The following ZNF366 variants were observed in gnomAD, a reference collection of about 807,000 sequenced individuals.
The protein encoded by ZNF366 is zinc finger protein 366.
ZNF366 carries 20 observed loss-of-function variants against 47.2 expected under a neutral mutation model. The observed-to-expected ratio is 0.42, with a 90% CI of 0.30 to 0.62. The LOEUF (loss-of-function observed/expected upper bound fraction) is 0.62. Among genes scored for constraint, ZNF366 ranks in the 20% least tolerant of loss-of-function variants. The pLI is 0.16. For synonymous variants in ZNF366, 421 were observed against 395.1 expected, an observed-to-expected ratio of 1.07 and a Z score of -0.78; for missense variants, 987 against 976.3, an observed-to-expected ratio of 1.01 and a Z score of -0.15.
chr5:72,464,500 A>G (rs1315271111), intron 1 of ZNF366, among the ~76,000 whole-genome samples: 2 of 152,092 alleles, frequency 1.3e-5, no homozygotes, highest in Non-Finnish European at 2.9e-5. Flanking sequence ...TATTTTCAGC[A>G]TTTGAATTTT....
intron 1 of ZNF366, among the ~76,000 whole-genome samples, chr5:72,496,563 G>A (rs1744116814): frequency 6.6e-6 from 1 of 152,168 alleles, no homozygotes; most frequent in South Asian, 2.1e-4. Flanking sequence ...ATTGTTTCCA[G>A]TTGGGGGCAT....
chr5:72,449,168 G>A (rs1292834776), intron 3 of ZNF366, among the ~76,000 whole-genome samples: 1 of 151,964 alleles, frequency 6.6e-6, no homozygotes, highest in Admixed American at 6.5e-5. Context: ...CTGTGGCTCA[G>A]CATGCACATG....
chr5:72,488,235 T>C (rs1743933651), intron 1 of ZNF366, among the ~76,000 whole-genome samples: 1 of 151,574 alleles, frequency 6.6e-6, no homozygotes, highest in African/African-American at 2.4e-5. Flanking sequence ...AAAACTTACA[T>C]AGCAGGGTGT....
rs545493731 is a variant in ZNF366, at chr5:72,475,834, C to T, written c.-14-14324G>A. ...TTGGGCTGATCTGCCCAATCAGAGGCTCTCATTGTCCATCAGCCCGTAAAA... is the reference window on the plus strand; with the variant it reads ...TTGGGCTGATCTGCCCAATCAGAGGTTCTCATTGTCCATCAGCCCGTAAAA... On this transcript the variant is annotated intron_variant, in intron 1 of 4. Transcript: ENST00000318442. 2.6e-5 allele frequency among the ~76,000 whole-genome samples: 4 copies of T among 152,264 alleles called. No individual in the cohort carries two copies. In the East Asian group the frequency reaches 7.7e-4, roughly 29 times the overall value.
intron 1 of ZNF366, among the ~76,000 whole-genome samples, chr5:72,463,170 C>T (rs1367295417): frequency 1.3e-5 from 2 of 152,188 alleles, no homozygotes; most frequent in Non-Finnish European, 2.9e-5. Context: ...TTCTATGGTC[C>T]TTGGCGAGTC....
intron 1 of ZNF366, among the ~76,000 whole-genome samples, chr5:72,499,839 A>C (rs1744178794): frequency 6.6e-6 from 1 of 152,168 alleles, no homozygotes; most frequent in South Asian, 2.1e-4. Flanking sequence ...AGAGGGCCTC[A>C]GTCACGGGAG....
At chr5:72,466,949 A>G (rs902045795) in intron 1 of ZNF366, among the ~76,000 whole-genome samples, 3 of 152,240 alleles carry the variant, frequency 2.0e-5, no homozygotes, top group Non-Finnish European at 4.4e-5. Flanking sequence ...CAAGTTCTGC[A>G]ACCCAGCCAG....
chr5:72,452,176 C>T (rs1332443146), intron 3 of ZNF366, among the ~76,000 whole-genome samples: 1 of 152,208 alleles, frequency 6.6e-6, no homozygotes, highest in African/African-American at 2.4e-5. Flanking sequence ...AGGAGAATGG[C>T]CTCCGTGAAA....
At position 72,460,638 on chromosome 5, in the gene ZNF366, C is replaced by A. The variant is rs1476531153; in HGVS notation, c.859G>T (p.Gly287Trp). ...GIKPHACTHC[G>W]KLFKQLSHLH... is the part of the protein sequence containing the mutation. ...TGGCTGAGCTGCTTGAAGAGCTTCC[C>A]GCAGTGCGTGCACGCGTGCGGCTTG... The change falls in exon 2 of 5, where the codon GGG becomes TGG. Residue 287 changes from glycine (G) to tryptophan (W), a missense_variant. By Grantham distance (184) the Gly-to-Trp change is radical. Transcript: ENST00000318442. 3.7e-6 allele frequency: 6 copies of A among 1,614,222 alleles called. No homozygotes were observed. In the East Asian group the frequency reaches 1.3e-4, roughly 36 times the overall value.
Position 72,460,840 on chromosome 5 carries a change from G to T in ZNF366, c.657C>A (p.Pro219=), listed in dbSNP as rs1166398077. 1 of 1,614,062 alleles carries T rather than the reference G, an allele frequency of 6.2e-7. No homozygotes were observed. Among genetic ancestry groups the T allele is most frequent in the Non-Finnish European group, 8.5e-7 (1 of 1,179,986 alleles). ...PEPLLPRKAE[P]QESEETKQKV... ...TCTGCTTGGTCTCCTCGCTCTCCTG[G>T]GGCTCGGCTTTCCGGGGCAGCAGAG... The change falls in exon 2 of 5, where the codon CCC becomes CCA. Residue 219 remains proline (P), a synonymous_variant. Coordinates refer to ENST00000318442, the MANE Select transcript of ZNF366 (RefSeq NM_152625.3).
intron 1 of ZNF366, among the ~76,000 whole-genome samples, chr5:72,484,738 TG>T (rs138845854): frequency 0.012 from 1,820 of 152,288 alleles, 19 homozygotes; most frequent in Non-Finnish European, 0.018. Flanking sequence ...CCAGAGTCAA[TG>T]ATCATTAAGA....
chr5:72,456,325 GAGTAGA>G, intron 3 of ZNF366, 73 bp downstream of exon 3: 1 of 1,494,440 alleles, frequency 6.7e-7, no homozygotes, highest in Non-Finnish European at 9.1e-7. Flanking sequence ...TGATGAAACA[GAGTAGA>G]AGGCTCCCTG....
intron 1 of ZNF366, among the ~76,000 whole-genome samples, chr5:72,487,631 C>T (rs1402125063): frequency 6.6e-6 from 1 of 152,168 alleles, no homozygotes. Flanking sequence ...CTTAGCCTGA[C>T]AGCAACCCTT....
intron 1 of ZNF366, among the ~76,000 whole-genome samples, chr5:72,475,874 A>G (rs1297965914): frequency 6.6e-6 from 1 of 152,142 alleles, no homozygotes; most frequent in Admixed American, 6.6e-5. Flanking sequence ...GCCTCGGGGA[A>G]CACGGTGACA....
At chr5:72,459,070 G>T (rs965315872) in intron 2 of ZNF366, among the ~76,000 whole-genome samples, 2 of 152,138 alleles carry the variant, frequency 1.3e-5, no homozygotes. Context: ...GTATCTACAG[G>T]TACCTTTTGT....
Position 72,460,330 on chromosome 5 carries a change from G to A in ZNF366, c.1167C>T (p.Gly389=). ...QLKRHLTTHR[G]PIQYNCSECD... ...ACTCGGAGCAGTTGTACTGGATGGG[G>A]CCCCGGTGCGTGGTGAGGTGTCTCT... is the stretch of plus-strand genomic sequence containing the variant. The change falls in exon 2 of 5, where the codon GGC becomes GGT. Residue 389 remains glycine, a synonymous_variant. Coordinates refer to ENST00000318442, the MANE Select transcript of ZNF366 (RefSeq NM_152625.3). 2 of 1,614,252 alleles carry A rather than the reference G, an allele frequency of 1.2e-6. No individual in the cohort carries two copies. Among genetic ancestry groups the A allele is most frequent in the Admixed American group, 1.7e-5 (1 of 60,036 alleles).
At chr5:72,466,210 TAAGGC>T (rs150746225) in intron 1 of ZNF366, among the ~76,000 whole-genome samples, 5,516 of 152,330 alleles carry the variant, frequency 0.036, 129 homozygotes, top group East Asian at 0.084. Flanking sequence ...AGGCTATGGA[TAAGGC>T]TAGGGTGAGT....
intron 1 of ZNF366, among the ~76,000 whole-genome samples, chr5:72,506,003 T>C (rs1037051507): frequency 2.0e-5 from 3 of 152,254 alleles, no homozygotes; most frequent in Non-Finnish European, 2.9e-5. Flanking sequence ...CATCACAGTC[T>C]AGTTCTGTCA....
intron 1 of ZNF366, among the ~76,000 whole-genome samples, chr5:72,501,310 G>A (rs1744206371): frequency 6.6e-6 from 1 of 152,142 alleles, no homozygotes; most frequent in Non-Finnish European, 1.5e-5. Context: ...TATTCTCTTT[G>A]TGTGCCCTGG....
Sources: allele counts gnomAD v4.1 joint callset (sites outside exome capture counted in the v4.1 genomes callset), GRCh38; gene constraint gnomAD v4.1.1; transcripts MANE v1.5; gene names NCBI Gene and HGNC (gene_info 2026-07-23, HGNC 2026-07-21).